The following ANXA10 variants were observed in gnomAD, a reference collection of about 807,000 sequenced individuals.
ANXA10 encodes annexin 14.
In ANXA10, 49 loss-of-function variants were observed where a neutral mutation model predicts 53.5. That is an observed-to-expected ratio of 0.92 (90% CI 0.73 to 1.16). The LOEUF is 1.16. ANXA10 is among the 50% of genes most tolerant of loss of function. ANXA10 has a pLI of 0.00. For missense variants in ANXA10, 393 were observed against 394.4 expected (o/e 1.00, Z 0.03); for synonymous variants, 131 against 128.9 (o/e 1.02, Z -0.11).
intron 3 of ANXA10, among the ~76,000 whole-genome samples, chr4:168,148,255 T>C (rs969408325): frequency 3.3e-5 from 5 of 151,686 alleles, no homozygotes; most frequent in Non-Finnish European, 7.4e-5. Flanking sequence ...GCAACCTCTG[T>C]CTCCTGGGTT....
chr4:168,142,504 C>T (rs933955123), intron 3 of ANXA10, among the ~76,000 whole-genome samples: 1 of 152,150 alleles, frequency 6.6e-6, no homozygotes, highest in African/African-American at 2.4e-5. Flanking sequence ...ACCTCACAGC[C>T]CCCCACCAGA....
intron 6 of ANXA10, among the ~76,000 whole-genome samples, chr4:168,168,460 C>T (rs1217927407): frequency 6.6e-6 from 1 of 152,108 alleles, no homozygotes; most frequent in Non-Finnish European, 1.5e-5. Context: ...ACTCTTGTCA[C>T]CCAGGCTGGA....
chr4:168,168,717 C>T (rs1269968417), intron 6 of ANXA10, among the ~76,000 whole-genome samples: 1 of 152,152 alleles, frequency 6.6e-6, no homozygotes, highest in Non-Finnish European at 1.5e-5. Flanking sequence ...CCGCGCCTGG[C>T]CAATCAGTGT....
In ANXA10 at chr4:168,092,663, A is replaced by G; in HGVS notation, c.-38A>G. ...GTGAAACAAGTTTATGCAATCGATC[A>G]AATATTTTCATCCCTGAGGTTAACA... is the stretch of plus-strand genomic sequence containing the variant. On this transcript the variant is annotated 5_prime_UTR_variant, in exon 1 of 12. Transcript: ENST00000359299. 1 of 1,578,444 alleles carries G rather than the reference A, an allele frequency of 6.3e-7. No homozygotes were observed. Among genetic ancestry groups the G allele is most frequent in the Non-Finnish European group, 8.6e-7 (1 of 1,160,520 alleles).
chr4:168,118,051 A>G (rs1295941215), intron 1 of ANXA10, among the ~76,000 whole-genome samples: 2 of 152,168 alleles, frequency 1.3e-5, no homozygotes, highest in Non-Finnish European at 2.9e-5. Context: ...AGACATAAAG[A>G]GAACATGCAA....
chr4:168,175,245 G>T (rs565861930), intron 6 of ANXA10, among the ~76,000 whole-genome samples: 1 of 152,228 alleles, frequency 6.6e-6, no homozygotes, highest in South Asian at 2.1e-4. Flanking sequence ...CCTACTGATC[G>T]ATTCAATAAG....
intron 8 of ANXA10, among the ~76,000 whole-genome samples, chr4:168,178,488 T>C (rs1027966666): frequency 6.6e-6 from 1 of 152,098 alleles, no homozygotes; most frequent in Non-Finnish European, 1.5e-5. Context: ...TTTTTTTCTA[T>C]ATAAAGTACG....
chr4:168,153,948 A>C (rs896616402), intron 3 of ANXA10, among the ~76,000 whole-genome samples: 2 of 150,210 alleles, frequency 1.3e-5, no homozygotes, highest in African/African-American at 2.4e-5. Flanking sequence ...TTTTTTTTTT[A>C]CAAAATTAGT....
intron 3 of ANXA10, among the ~76,000 whole-genome samples, chr4:168,155,860 ATGATATATCATATATTATATGTT>A (rs1731635308): frequency 1.7e-4 from 1 of 5,994 alleles, no homozygotes; most frequent in African/African-American, 5.9e-4. Context: ...TATATCATAT[ATGATATATCATATATTATATGTT>A]ATATATAATA....
intron 2 of ANXA10, among the ~76,000 whole-genome samples, chr4:168,132,725 A>G (rs1201765494): frequency 2.0e-5 from 3 of 152,146 alleles, no homozygotes; most frequent in Non-Finnish European, 4.4e-5. Flanking sequence ...ATATAAAAAC[A>G]TCTTGTGTAC....
At chr4:168,118,097 T>G (rs1730927298) in intron 1 of ANXA10, among the ~76,000 whole-genome samples, 1 of 152,114 alleles carries the variant, frequency 6.6e-6, no homozygotes, top group South Asian at 2.1e-4. Flanking sequence ...ATTCTTTTTT[T>G]TTTTTTTCCT....
At chr4:168,108,914 C>A (rs1264931952) in intron 1 of ANXA10, among the ~76,000 whole-genome samples, 3 of 152,128 alleles carry the variant, frequency 2.0e-5, no homozygotes, top group Non-Finnish European at 4.4e-5. Context: ...ATCACCTCTA[C>A]CCAAATAAAT....
chr4:168,162,566 C>A lies in ANXA10; in HGVS notation c.234C>A (p.His78Gln). The A allele has an allele frequency of 6.2e-7, 1 of 1,613,916 alleles. No individual in the cohort carries two copies. The highest frequency in any genetic ancestry group is 8.5e-7 in the Non-Finnish European group (1 of 1,179,884). ...ATATGAGGGAGCAGCTTTCGGATCA[C>A]TTCAAAGATGTGATGGCTGGCCTCA... ...IGDMREQLSD[H>Q]FKDVMAGLMY... Residue 78 changes from histidine to glutamine, a missense_variant, in exon 4 of 12, where the codon CAC becomes CAA. By Grantham distance (24) the His-to-Gln change is conservative (BLOSUM62 0). Transcript: ENST00000359299.
intron 3 of ANXA10, among the ~76,000 whole-genome samples, chr4:168,156,243 A>AT (rs1731670630): frequency 2.2e-5 from 1 of 46,100 alleles, no homozygotes; most frequent in Non-Finnish European, 4.0e-5. Flanking sequence ...TATATATAAT[A>AT]GTATATATTA....
intron 5 of ANXA10, 130 bp from the exon 6 acceptor site, chr4:168,165,117 G>C (rs1473737870): frequency 8.8e-6 from 4 of 452,638 alleles, no homozygotes; most frequent in Non-Finnish European, 1.6e-5. Flanking sequence ...TATTGACAAA[G>C]AAATGTCAAC....
chr4:168,125,414 T>A (rs1731051880), intron 1 of ANXA10, among the ~76,000 whole-genome samples: 1 of 152,136 alleles, frequency 6.6e-6, no homozygotes, highest in Admixed American at 6.6e-5. Flanking sequence ...AGTCAAACTG[T>A]CACCCTGCCT....
intron 1 of ANXA10, among the ~76,000 whole-genome samples, chr4:168,112,631 A>C (rs1199219388): frequency 6.6e-6 from 1 of 152,220 alleles, no homozygotes; most frequent in Non-Finnish European, 1.5e-5. Context: ...CATATGGAAG[A>C]CTAGTCTAGC....
chr4:168,128,044 T>A (rs1353953569), intron 1 of ANXA10, 40 bp from the exon 2 acceptor site: 1 of 1,545,096 alleles, frequency 6.5e-7, no homozygotes, highest in Non-Finnish European at 8.9e-7. Context: ...AACATTAACA[T>A]GAATTATTAC....
intron 3 of ANXA10, among the ~76,000 whole-genome samples, chr4:168,156,179 T>C (rs1295705090): frequency 4.6e-5 from 1 of 21,850 alleles, no homozygotes. Flanking sequence ...TATTATATTA[T>C]ATATTATATA....
Sources: gnomAD v4.1 joint callset for allele counts (sites outside exome capture counted in the v4.1 genomes callset) on GRCh38, gnomAD v4.1.1 for gene constraint, MANE v1.5 for transcripts, NCBI Gene and HGNC (gene_info 2026-07-23, HGNC 2026-07-21) for gene names.